ADAM20: variants seen among roughly 807,000 people sequenced by gnomAD.
The protein encoded by ADAM20 is disintegrin and metalloproteinase domain-containing protein 20.
For missense variants in ADAM20, 871 were observed against 883.2 expected, an observed-to-expected ratio of 0.99 and a Z score of 0.18; for synonymous variants, 305 against 310.2, an observed-to-expected ratio of 0.98 and a Z score of 0.18.
chr14:70,523,563 G>C lies in ADAM20; in HGVS notation c.1195C>G (p.Pro399Ala). 1.2e-6 allele frequency: 2 copies of C among 1,614,092 alleles called. No individual in the cohort carries two copies. The highest frequency in any genetic ancestry group is 2.2e-5 in the South Asian group (2 of 91,082). ...ISSGLCIQPPPYPGNIFRLKY... is the reference protein window; with the variant it reads ...ISSGLCIQPPAYPGNIFRLKY... ...AGTCTAAATATATTCCCTGGATATG[G>C]AGGCGGTTGAATACATAATCCACTA... The change falls in exon 2 of 2, where the codon CCA (proline) becomes GCA (alanine). Residue 399 changes from proline (P) to alanine (A), a missense_variant. Transcript: ENST00000256389.
At chr14:70,539,870 G>C (rs531865591), upstream of ADAM20, among the ~76,000 whole-genome samples, 13 of 152,210 alleles carry the variant, frequency 8.5e-5, no homozygotes, top group East Asian at 2.1e-3. Flanking sequence ...ATAAATGCTA[G>C]TATATTCAGT....
the ADAM20 span, among the ~76,000 whole-genome samples, chr14:70,567,753 C>T: frequency 3.0e-4 from 46 of 151,974 alleles, no homozygotes; most frequent in Admixed American, 5.9e-4. Context: ...ATACTCTGTC[C>T]AAGCCTTCAA....
At chr14:70,566,541 G>GA in the ADAM20 span, among the ~76,000 whole-genome samples, 2 of 151,922 alleles carry the variant, frequency 1.3e-5, no homozygotes, top group Admixed American at 6.6e-5. Flanking sequence ...AGAATAGACA[G>GA]AAAAAAATTA....
upstream of ADAM20, among the ~76,000 whole-genome samples, chr14:70,536,465 CAAAAAAAAAAAA>C (rs56738784): frequency 3.2e-3 from 139 of 43,126 alleles, 1 homozygote; most frequent in South Asian, 7.6e-3. Flanking sequence ...AACTCTGTCT[CAAAAAAAAAAAA>C]AAAAAAAAAA....
the ADAM20 span, among the ~76,000 whole-genome samples, chr14:70,574,647 AAAAGAAAG>A: frequency 6.6e-6 from 1 of 152,116 alleles, no homozygotes; most frequent in East Asian, 1.9e-4. Context: ...CTCAAAAAAA[AAAAGAAAG>A]AAAGAAAGAA....
At chr14:70,531,970 G>A (rs935991439) in intron 1 of ADAM20, among the ~76,000 whole-genome samples, 1 of 151,922 alleles carries the variant, frequency 6.6e-6, no homozygotes, top group African/African-American at 2.4e-5. Context: ...AAATCTCAGT[G>A]GCATTATTAG....
At chr14:70,574,665 A>C in the ADAM20 span, among the ~76,000 whole-genome samples, 1 of 152,100 alleles carries the variant, frequency 6.6e-6, no homozygotes, top group African/African-American at 2.4e-5. Flanking sequence ...GAAAGAAAGA[A>C]GAAAGATCTC....
chr14:70,527,451 T>C (rs1478643086), intron 1 of ADAM20, among the ~76,000 whole-genome samples: 3 of 152,124 alleles, frequency 2.0e-5, no homozygotes, highest in Non-Finnish European at 4.4e-5. Flanking sequence ...TTAAAATATT[T>C]ATCTTCCTTT....
chr14:70,545,555 A>G, the ADAM20 span, among the ~76,000 whole-genome samples: 1 of 152,270 alleles, frequency 6.6e-6, no homozygotes, highest in Non-Finnish European at 1.5e-5. Flanking sequence ...AAACCAAAAA[A>G]GAGCAAGAGT....
At chr14:70,577,059 G>C in the ADAM20 span, among the ~76,000 whole-genome samples, 2 of 152,284 alleles carry the variant, frequency 1.3e-5, no homozygotes, top group African/African-American at 4.8e-5. Context: ...GGTCTTAGAA[G>C]CCCTTCCAGG....
chr14:70,558,969 ACT>A, the ADAM20 span, among the ~76,000 whole-genome samples: 1 of 151,756 alleles, frequency 6.6e-6, no homozygotes, highest in Non-Finnish European at 1.5e-5. Context: ...CATCTTTTTA[ACT>A]CTCTCTGTAC....
In ADAM20 at chr14:70,522,528, TA is replaced by T. The variant is rs776735159; in HGVS notation, c.*48del. ...CATATTTTTCTATTAAAAAATTGGA[TA>T]TTAAAAATGAAGTATAAAGTTTAGT... is the stretch of plus-strand genomic sequence containing the variant. On this transcript the variant is annotated 3_prime_UTR_variant, in exon 2 of 2. Transcript: ENST00000256389. 97 of 1,443,500 alleles carry T rather than the reference TA, an allele frequency of 6.7e-5. No homozygotes were observed. Among genetic ancestry groups the T allele is most frequent in the Non-Finnish European group, 8.6e-5 (94 of 1,090,688 alleles). The allele number at this position is 1,443,500 out of a possible 1,614,324, so 89.4% of individuals were successfully genotyped here. A position where few individuals can be genotyped will look rare whatever the true frequency, so the allele number is the denominator to read the frequency against.
chr14:70,577,332 A>G, the ADAM20 span, among the ~76,000 whole-genome samples: 1 of 152,224 alleles, frequency 6.6e-6, no homozygotes, highest in Non-Finnish European at 1.5e-5. Flanking sequence ...GATGAAAATG[A>G]AAACAGTGTA....
Position 70,523,237 on chromosome 14 carries a change from C to T in ADAM20, c.1521G>A (p.Thr507=), listed in dbSNP as rs773265715. 35 of 1,613,888 alleles carry T rather than the reference C, an allele frequency of 2.2e-5. No homozygotes were observed. Among genetic ancestry groups the T allele is most frequent in the Middle Eastern group, 1.6e-4 (1 of 6,080 alleles). Residue 507 remains threonine, a synonymous_variant, in exon 2 of 2, where the codon ACG becomes ACA. Transcript: ENST00000256389. ...CNVNAFCYEK[T]CNNHDIQCKE... is the part of the protein sequence containing the mutation. The stretch of plus-strand genomic sequence containing the variant: ...TACATTGTATATCATGGTTATTACA[C>T]GTCTTTTCATAGCAGAAGGCATTCA...
At chr14:70,540,122 G>A in the ADAM20 span, among the ~76,000 whole-genome samples, 8 of 152,018 alleles carry the variant, frequency 5.3e-5, no homozygotes, top group South Asian at 2.1e-4. Context: ...CTCGTGATCC[G>A]CCTGCCTTGG....
the ADAM20 span, among the ~76,000 whole-genome samples, chr14:70,573,502 G>C: frequency 6.6e-6 from 1 of 152,174 alleles, no homozygotes; most frequent in African/African-American, 2.4e-5. Flanking sequence ...TGGGTGATGG[G>C]TTCATTAGAA....
the ADAM20 span, among the ~76,000 whole-genome samples, chr14:70,573,178 C>T: frequency 1.3e-5 from 2 of 152,160 alleles, no homozygotes; most frequent in South Asian, 4.1e-4. Flanking sequence ...ATCATGCAAT[C>T]AGCCTAAGTT....
intron 1 of ADAM20, among the ~76,000 whole-genome samples, chr14:70,527,222 A>G (rs1261798566): frequency 6.6e-6 from 1 of 152,102 alleles, no homozygotes; most frequent in Admixed American, 6.6e-5. Flanking sequence ...TCCTATCTGA[A>G]ACTACAGTCA....
At position 70,523,687 on chromosome 14, in the gene ADAM20, A is replaced by T. The variant is rs1883510896; in HGVS notation, c.1071T>A (p.Cys357Ter). 1 of 1,613,982 alleles carries T rather than the reference A, an allele frequency of 6.2e-7. No homozygotes were observed. The change falls in exon 2 of 2, where the codon TGT becomes TGA. Residue 357 changes from cysteine to a stop codon, truncating the protein, a stop_gained. Transcript: ENST00000256389. LOFTEE classifies it low-confidence loss of function (END_TRUNC). ...TTATGCACCACTGTAGCTCGCACAC[A>T]CACCACTGGGTGTCATGTTGCATAC... ...NLGMQHDTQW[C>*]VCELQWCIMH...
Sources: allele counts gnomAD v4.1 joint callset (sites outside exome capture counted in the v4.1 genomes callset), GRCh38; gene constraint gnomAD v4.1.1; transcripts MANE v1.5; gene names NCBI Gene and HGNC (gene_info 2026-07-23, HGNC 2026-07-21).